The following MED22 variants were observed in gnomAD, a reference collection of about 807,000 sequenced individuals.
The protein encoded by MED22 is mediator complex subunit 22.
A neutral mutation model predicts 22.7 loss-of-function variants in MED22; 22 were observed. The observed-to-expected ratio is 0.97, with a 90% CI of 0.69 to 1.38. The LOEUF (loss-of-function observed/expected upper bound fraction) is 1.38. Ranked by LOEUF, MED22 falls within the 40% of genes most tolerant of loss-of-function variation. The probability of loss-of-function intolerance (pLI) is 0.00; values close to 1 mark genes in which losing one functional copy is unlikely to be tolerated. For missense variants in MED22, 247 were observed against 263.0 expected (o/e 0.94, Z 0.42); for synonymous variants, 134 against 119.4 (o/e 1.12, Z -0.80).
Position 133,339,293 on chromosome 9 carries a change from G to C in MED22, c.*2212C>G, listed in dbSNP as rs1223839834. ...ACACTAAGCACTCTAAGAGCCGAGA[G>C]AGCTTCCTGAAACGCGTGAAGGAAA... On this transcript the variant is annotated 3_prime_UTR_variant, in exon 5 of 5. Transcript: ENST00000343730. 8 of 706,048 alleles carry C rather than the reference G, an allele frequency of 1.1e-5. No homozygotes were observed. Among genetic ancestry groups the C allele is most frequent in the Admixed American group, 1.8e-5 (1 of 56,254 alleles). 43.7% of individuals were successfully genotyped at this position (706,048 alleles called of 1,614,324 possible).
At chr9:133,342,885 G>A in intron 4 of MED22, 5 of 985,600 alleles carry the variant, frequency 5.1e-6, no homozygotes, top group Non-Finnish European at 6.0e-6. Context: ...GGCAAGGCAG[G>A]CAGGCTGAAT....
Position 133,339,382 on chromosome 9 carries a change from C to T in MED22, c.*2123G>A, listed in dbSNP as rs1042377960. ...TGGATTCAACTGAAGCGCCAGCCTG[C>T]TCCACCCAGAGCAGCACACTGTGAG... On this transcript the variant is annotated 3_prime_UTR_variant, in exon 5 of 5. Transcript: ENST00000343730. 7.3e-5 allele frequency: 54 copies of T among 741,508 alleles called. No homozygotes were observed. The highest frequency in any genetic ancestry group is 1.2e-4 in the Non-Finnish European group (46 of 399,970). 45.9% of individuals were successfully genotyped at this position (741,508 alleles called of 1,614,324 possible). A position where few individuals can be genotyped will look rare whatever the true frequency, so the allele number is the denominator to read the frequency against.
Position 133,341,413 on chromosome 9 carries a change from T to G in MED22, c.*92A>C. On this transcript the variant is annotated 3_prime_UTR_variant, in exon 5 of 5. Transcript: ENST00000343730. ...GCTCTGGGGTCCTGAAGTCCCCAAA[T>G]GGGAACCTAGGCTGAGAGAAGCAAG... 7.4e-7 allele frequency: 1 copy of G among 1,351,090 alleles called. No homozygotes were observed. Among genetic ancestry groups the G allele is most frequent in the Non-Finnish European group, 9.6e-7 (1 of 1,040,452 alleles). The allele number at this position is 1,351,090 out of a possible 1,614,324, so 83.7% of individuals were successfully genotyped here.
At chr9:133,343,028 C>G (rs1836059168) in intron 4 of MED22, 1 of 987,016 alleles carries the variant, frequency 1.0e-6, no homozygotes, top group Non-Finnish European at 1.2e-6. Context: ...CTCAGCCACC[C>G]TAGTGTGGAG....
chr9:133,341,789 C>T, intron 4 of MED22, 95 bp from the exon 5 acceptor site: 2 of 1,524,754 alleles, frequency 1.3e-6, no homozygotes, highest in Non-Finnish European at 1.7e-6. Context: ...GTTAAGAAAA[C>T]ACGACCACAC....
At position 133,344,107 on chromosome 9, in the gene MED22, G is replaced by A. The variant is rs1836101013; in HGVS notation, c.413+18C>T. On this transcript the variant is annotated intron_variant, in intron 4 of 4. Transcript: ENST00000343730. Reference sequence around the variant, plus strand: ...GGCAGGCTCCCGCTCTGCATGGGGAGTCCAGCGCTATTTATACCTGGACGA... The same window carrying A: ...GGCAGGCTCCCGCTCTGCATGGGGAATCCAGCGCTATTTATACCTGGACGA... The A allele has an allele frequency of 1.2e-6, 2 of 1,613,792 alleles. No individual in the cohort carries two copies. Among genetic ancestry groups the A allele is most frequent in the Admixed American group, 1.7e-5 (1 of 60,006 alleles).
In MED22 at chr9:133,345,155, C is replaced by T; in HGVS notation, c.204+17G>A. ...GCTCTTGGAGCCCAGGCCGTGCCCT[C>T]CACCCTGGCCACTCACGATGTTGGC... On this transcript the variant is annotated intron_variant, in intron 3 of 4. Transcript: ENST00000343730. 1 of 1,613,118 alleles carries T rather than the reference C, an allele frequency of 6.2e-7. No homozygotes were observed. The highest frequency in any genetic ancestry group is 8.5e-7 in the Non-Finnish European group (1 of 1,179,612).
At chr9:133,346,389 T>C in intron 2 of MED22, 151 bp downstream of exon 2, 1 of 882,372 alleles carries the variant, frequency 1.1e-6, no homozygotes, top group Non-Finnish European at 1.8e-6. Context: ...GGACGTGCCA[T>C]TATTTGGTTT....
chr9:133,346,720 T>TC lies in MED22; in HGVS notation c.-38-21dup. 1 of 1,587,352 alleles carries TC rather than the reference T, an allele frequency of 6.3e-7. No homozygotes were observed. Among genetic ancestry groups the TC allele is most frequent in the South Asian group, 1.1e-5 (1 of 89,788 alleles). ...TGGGACCTAGAGTGCAGCACAGACC[T>TC]CTGAGTGCAGGCAGAGTCTACCCCA... On this transcript the variant is annotated intron_variant, in intron 1 of 4. Transcript: ENST00000343730.
rs1223553652 is a variant in MED22, at chr9:133,344,015, C to T, written c.413+110G>A. On this transcript the variant is annotated intron_variant, in intron 4 of 4. Transcript: ENST00000343730. ...CTGCTCTGAAACCCAGGCATGGCTC[C>T]ACTGCTAAGACCAGCAAGAATTTGA... The T allele has an allele frequency of 2.0e-6, 3 of 1,535,934 alleles. No individual in the cohort carries two copies. In the African/African-American group the frequency reaches 4.1e-5, roughly 21 times the overall value.
rs2129949249 is a variant in MED22 at position 133,341,582 on chromosome 9, G to A, written c.526C>T (p.Pro176Ser). 4.4e-6 allele frequency: 7 copies of A among 1,582,322 alleles called. No individual in the cohort carries two copies. Among genetic ancestry groups the A allele is most frequent in the Non-Finnish European group, 8.6e-7 (1 of 1,168,150 alleles). ...LSAPLLASPEPSAGPLQVAAP... is the reference protein window; with the variant it reads ...LSAPLLASPESSAGPLQVAAP... ...GCCACCTGTAGGGGGCCAGCACTGG[G>A]CTCCGGGGACGCCAGCAGAGGGGCC... Residue 176 changes from proline to serine, a missense_variant, in exon 5 of 5, where the codon CCC becomes TCC. Transcript: ENST00000343730.
At chr9:133,342,702 C>T (rs2129954600) in intron 4 of MED22, 51 of 985,764 alleles carry the variant, frequency 5.2e-5, no homozygotes, top group Non-Finnish European at 5.9e-5. Flanking sequence ...CCCCAGGGGG[C>T]GCTGGTGTGG....
intron 2 of MED22, among the ~76,000 whole-genome samples, chr9:133,345,708 T>C (rs1286251453): frequency 6.6e-6 from 1 of 152,128 alleles, no homozygotes; most frequent in East Asian, 1.9e-4. Context: ...TTGACCACCA[T>C]TAACCCATGC....
chr9:133,345,318 A>G, intron 2 of MED22, 66 bp from the exon 3 acceptor site: 3 of 1,505,228 alleles, frequency 2.0e-6, no homozygotes, highest in Non-Finnish European at 2.7e-6. Flanking sequence ...GGCCCGGCCC[A>G]GCCCAGCTTA....
chr9:133,341,316 GA>G lies in MED22; in HGVS notation c.*188del, dbSNP rs1253900326. ...GATGGGCTATTCGGAAATGGCTAGG[GA>G]AACAACTGTTTCCCTACTGTCCTGG... On this transcript the variant is annotated 3_prime_UTR_variant, in exon 5 of 5. Coordinates refer to ENST00000343730, the MANE Select transcript of MED22 (RefSeq NM_133640.5). 2 of 518,984 alleles carry G rather than the reference GA, an allele frequency of 3.9e-6. No homozygotes were observed. The highest frequency in any genetic ancestry group is 4.0e-5 in the African/African-American group (2 of 49,878). The allele number at this position is 518,984 out of a possible 1,614,324, so 32.1% of individuals were successfully genotyped here.
chr9:133,345,758 G>C (rs1269635504), intron 2 of MED22, among the ~76,000 whole-genome samples: 1 of 152,210 alleles, frequency 6.6e-6, no homozygotes, highest in Non-Finnish European at 1.5e-5. Context: ...CTGGTGTATA[G>C]GTGGCCAAGC....
Position 133,339,119 on chromosome 9 carries a change from G to T in MED22, c.*2386C>A. 1.5e-6 allele frequency: 1 copy of T among 672,942 alleles called. No individual in the cohort carries two copies. Among genetic ancestry groups the T allele is most frequent in the South Asian group, 1.4e-5 (1 of 73,526 alleles). 41.7% of individuals were successfully genotyped at this position (672,942 alleles called of 1,614,324 possible). On this transcript the variant is annotated 3_prime_UTR_variant, in exon 5 of 5. Transcript: ENST00000343730. ...GAAAGGTGATATTGTAGATATCAAG[G>T]GAATGGGTACTGTTCAAAAAGGAAT...
chr9:133,346,198 GC>G lies in MED22; in HGVS notation c.123+341del, dbSNP rs201266667. ...TGCTGACCGCTCCACCTGCCTGGAG[GC>G]CCCCCCCCACTTCTCCCCTCAGTCT... On this transcript the variant is annotated intron_variant, in intron 2 of 4. Transcript: ENST00000343730. 4.1e-3 allele frequency among the ~76,000 whole-genome samples: 619 copies of G among 151,676 alleles called. 3 individuals are homozygous for G. Among genetic ancestry groups the G allele is most frequent in the African/African-American group, 0.012 (497 of 41,242 alleles).
At chr9:133,346,321 G>A (rs1941111442) in intron 2 of MED22, 2 of 573,048 alleles carry the variant, frequency 3.5e-6, no homozygotes, top group South Asian at 4.2e-5. Flanking sequence ...CCATGCAGGA[G>A]AAACTGAGGC....
Sources: allele counts gnomAD v4.1 joint callset (sites outside exome capture counted in the v4.1 genomes callset), GRCh38; gene constraint gnomAD v4.1.1; transcripts MANE v1.5; gene names NCBI Gene and HGNC (gene_info 2026-07-23, HGNC 2026-07-21).